The following GALNT9 variants were observed in gnomAD, a reference collection of about 807,000 sequenced individuals.
The protein encoded by GALNT9 is GalNAc transferase 9.
In GALNT9, 47 loss-of-function variants were observed where a neutral mutation model predicts 63.1. The observed-to-expected ratio is 0.75, with a 90% CI of 0.59 to 0.95. The LOEUF is 0.95. GALNT9 is among the 40% of genes least tolerant of loss of function. The pLI, the probability that GALNT9 is intolerant of heterozygous loss-of-function variation, is 0.00. For synonymous variants in GALNT9, 396 were observed against 365.7 expected (o/e 1.08, Z -0.94); for missense variants, 829 against 874.8 (o/e 0.95, Z 0.66).
chr12:132,211,195 C>T (rs187390592), intron 6 of GALNT9, among the ~76,000 whole-genome samples: 19 of 152,114 alleles, frequency 1.2e-4, no homozygotes, highest in Non-Finnish European at 1.0e-4. Context: ...GCAAGCCTCT[C>T]GACAACTTTT....
rs782605884 is a variant in GALNT9 at position 132,247,708 on chromosome 12, CA to C, written c.1077+201del. 83 of 846,322 alleles carry C rather than the reference CA, an allele frequency of 9.8e-5. 1 individual carries two copies. In the African/African-American group the frequency reaches 1.6e-3, roughly 16 times the overall value. The allele number at this position is 846,322 out of a possible 1,614,324, so 52.4% of individuals were successfully genotyped here. A position where few individuals can be genotyped will look rare whatever the true frequency, so the allele number is the denominator to read the frequency against. On this transcript the variant is annotated intron_variant, in intron 6 of 10. Coordinates refer to ENST00000328957, the MANE Select transcript of GALNT9 (RefSeq NM_001122636.2). ...GCCGCACTCGCCCTCACCCCGTCCC[CA>C]GACACCGCGGCCTCACTCGCCCTCA...
intron 1 of GALNT9, among the ~76,000 whole-genome samples, chr12:132,288,332 A>T (rs77206753): frequency 0.04 from 6,168 of 152,366 alleles, 156 homozygotes; most frequent in Non-Finnish European, 0.062. Flanking sequence ...TTTATGTAGG[A>T]CTGAAGGATA....
At chr12:132,260,443 C>T (rs1157163014) in intron 4 of GALNT9, among the ~76,000 whole-genome samples, 2 of 152,190 alleles carry the variant, frequency 1.3e-5, no homozygotes, top group East Asian at 3.9e-4. Flanking sequence ...CCCCCTCAGC[C>T]CAGAAGCTCA....
chr12:132,314,496 AGAG>A (rs1868412281), intron 1 of GALNT9, among the ~76,000 whole-genome samples: 2 of 152,158 alleles, frequency 1.3e-5, no homozygotes, highest in Admixed American at 1.3e-4. Flanking sequence ...CAAGGCTCAG[AGAG>A]GAGTAGTGAC....
At chr12:132,243,248 G>A (rs1233669123) in intron 6 of GALNT9, among the ~76,000 whole-genome samples, 138 of 68,622 alleles carry the variant, frequency 2.0e-3, no homozygotes, top group Admixed American at 3.2e-3. Context: ...CCCCCTTCCC[G>A]GGGCCCTCCC....
rs1875540076 is a variant in GALNT9 at position 132,196,867 on chromosome 12, A to G, written c.*240T>C. 8.2e-6 allele frequency: 11 copies of G among 1,349,524 alleles called. No homozygotes were observed. The South Asian group carries it at 1.6e-4, about 19-fold the overall frequency. The allele number at this position is 1,349,524 out of a possible 1,614,324, so 83.6% of individuals were successfully genotyped here. A position where few individuals can be genotyped will look rare whatever the true frequency, so the allele number is the denominator to read the frequency against. ...GGAGAAGGCACGTGTTTGAGTTGGC[A>G]TCACTGTCCCCAGACGCCCTCCCTC... is the stretch of plus-strand genomic sequence containing the variant. On this transcript the variant is annotated 3_prime_UTR_variant, in exon 11 of 11. Transcript: ENST00000328957.
At position 132,296,088 on chromosome 12, in the gene GALNT9, C is replaced by T. The variant is rs112823977; in HGVS notation, c.239-9658G>A. Among the ~76,000 whole-genome samples the T allele has an allele frequency of 0.051, 7,349 of 143,528 alleles. 275 individuals are homozygous for T. The highest frequency in any genetic ancestry group is 0.13 in the East Asian group (613 of 4,804). 94.2% of individuals were successfully genotyped at this position (143,528 alleles called of 152,430 possible). A position where few individuals can be genotyped will look rare whatever the true frequency, so the allele number is the denominator to read the frequency against. ...GAGGCTCCGGAACAGGGAGAGCCTCCGAACAGGGAGAGCCTCCGAACAGGG... is the reference window on the plus strand; with the variant it reads ...GAGGCTCCGGAACAGGGAGAGCCTCTGAACAGGGAGAGCCTCCGAACAGGG... On this transcript the variant is annotated intron_variant, in intron 1 of 10. Coordinates refer to ENST00000328957, the MANE Select transcript of GALNT9 (RefSeq NM_001122636.2). This position sits in a 1 kb window ranked among gnomAD's most constrained non-coding sequence, Gnocchi z 4.2.
chr12:132,211,588 CTCTCTCGTCCACCT>C (rs1160448466), intron 6 of GALNT9, among the ~76,000 whole-genome samples: 2 of 152,118 alleles, frequency 1.3e-5, no homozygotes, highest in Non-Finnish European at 2.9e-5. Context: ...TCCGTCCACC[CTCTCTCGTCCACCT>C]GGCCATTCTG....
At chr12:132,324,480 C>T (rs1254178070) in intron 1 of GALNT9, among the ~76,000 whole-genome samples, 1 of 152,228 alleles carries the variant, frequency 6.6e-6, no homozygotes, top group African/African-American at 2.4e-5. Context: ...CTGCCGGGGC[C>T]GCGTCCGAGA....
At chr12:132,291,793 C>T (rs1265796996) in intron 1 of GALNT9, among the ~76,000 whole-genome samples, 2 of 152,234 alleles carry the variant, frequency 1.3e-5, no homozygotes, top group Non-Finnish European at 2.9e-5. Context: ...CCCCTGCTTC[C>T]CCATCCCCTC....
At chr12:132,298,937 A>G (rs1881182203) in intron 1 of GALNT9, among the ~76,000 whole-genome samples, 1 of 148,748 alleles carries the variant, frequency 6.7e-6, no homozygotes, top group South Asian at 2.3e-4. Context: ...CCCATCCCAG[A>G]GATAAACAAC....
At chr12:132,216,176 G>C (rs1877182726) in intron 6 of GALNT9, among the ~76,000 whole-genome samples, 1 of 152,150 alleles carries the variant, frequency 6.6e-6, no homozygotes, top group East Asian at 1.9e-4. Flanking sequence ...GCATGAGATA[G>C]AGACATAAGA....
intron 2 of GALNT9, among the ~76,000 whole-genome samples, chr12:132,267,979 A>G (rs543914358): frequency 6.7e-6 from 1 of 150,192 alleles, no homozygotes; most frequent in South Asian, 2.1e-4. Flanking sequence ...ACAAACCCAC[A>G]TGAACTCACA....
chr12:132,302,033 T>G (rs977774684), intron 1 of GALNT9, among the ~76,000 whole-genome samples: 1 of 152,148 alleles, frequency 6.6e-6, no homozygotes. Flanking sequence ...TAATTACATA[T>G]TTAGGATTGC....
chr12:132,219,459 C>T (rs1401335839), intron 6 of GALNT9, among the ~76,000 whole-genome samples: 2 of 152,144 alleles, frequency 1.3e-5, no homozygotes, highest in Non-Finnish European at 2.9e-5. Context: ...TGGGGACCAT[C>T]GGCGGGACAG....
chr12:132,274,419 G>C (rs1357608527), intron 2 of GALNT9: 1 of 152,352 alleles, frequency 6.6e-6, no homozygotes, highest in Non-Finnish European at 1.5e-5. Context: ...CAGAGCCCCG[G>C]CCTCCAGCCT....
intron 1 of GALNT9, among the ~76,000 whole-genome samples, chr12:132,302,984 A>G (rs1881360163): frequency 6.6e-6 from 1 of 152,078 alleles, no homozygotes; most frequent in Non-Finnish European, 1.5e-5. Context: ...GCGAGGGTGG[A>G]ACCCAGGGGC....
At chr12:132,241,265 C>A (rs1593078134) in intron 6 of GALNT9, among the ~76,000 whole-genome samples, 4 of 61,362 alleles carry the variant, frequency 6.5e-5, no homozygotes, top group Admixed American at 2.7e-4. Context: ...ACACCCCCTT[C>A]CCGGGGCCCT....
Position 132,322,784 on chromosome 12 carries a change from C to T in GALNT9, c.238+6182G>A, listed in dbSNP as rs185161150. Among the ~76,000 whole-genome samples the T allele has an allele frequency of 7.4e-4, 113 of 152,326 alleles. 1 individual carries two copies. The highest frequency in any genetic ancestry group is 4.4e-3 in the South Asian group (21 of 4,822). On this transcript the variant is annotated intron_variant, in intron 1 of 10. Coordinates refer to ENST00000328957, the MANE Select transcript of GALNT9 (RefSeq NM_001122636.2). Reference sequence around the variant, plus strand: ...CCAGGGCCGAGCTGCTTCCGTGCTACGAGATGATACAACCCTTGGCACCTT... The same window carrying T: ...CCAGGGCCGAGCTGCTTCCGTGCTATGAGATGATACAACCCTTGGCACCTT...
Sources: allele counts gnomAD v4.1 joint callset (sites outside exome capture counted in the v4.1 genomes callset), GRCh38; gene constraint gnomAD v4.1.1; non-coding constraint Gnocchi (gnomAD v3.1); transcripts MANE v1.5; gene names NCBI Gene and HGNC (gene_info 2026-07-23, HGNC 2026-07-21).